DGKB: variants seen among roughly 807,000 people sequenced by gnomAD.
The protein encoded by DGKB is 90 kDa diacylglycerol kinase.
In DGKB, 67 loss-of-function variants were observed where a neutral mutation model predicts 114.3. The ratio of observed to expected loss-of-function variants is 0.59; its 90% CI spans 0.48 to 0.72. The LOEUF is 0.72. DGKB is among the 30% of genes least tolerant of loss of function. The pLI is 0.00. For synonymous variants in DGKB, 398 were observed against 323.1 expected (o/e 1.23, Z -2.49); for missense variants, 907 against 975.2 (o/e 0.93, Z 0.93).
chr7:14,295,874 G>T (rs1802461869), intron 23 of DGKB, among the ~76,000 whole-genome samples: 2 of 151,770 alleles, frequency 1.3e-5, no homozygotes, highest in South Asian at 2.1e-4. Context: ...ACCCAGACAG[G>T]CCCCAGTGTG....
chr7:14,772,866 C>T (rs187068264), intron 2 of DGKB, among the ~76,000 whole-genome samples: 109 of 152,232 alleles, frequency 7.2e-4, no homozygotes, highest in South Asian at 8.3e-4. Flanking sequence ...TTTCTCACCC[C>T]TCACCAGTTC....
At chr7:14,840,773 CTA>C (rs1491203951) in intron 2 of DGKB, among the ~76,000 whole-genome samples, 2 of 150,538 alleles carry the variant, frequency 1.3e-5, no homozygotes, top group Non-Finnish European at 3.0e-5. Flanking sequence ...CTCTTGATAT[CTA>C]TGAGTCAGAC....
intron 18 of DGKB, among the ~76,000 whole-genome samples, chr7:14,582,204 A>C (rs1354618681): frequency 6.6e-6 from 1 of 152,212 alleles, no homozygotes; most frequent in Non-Finnish European, 1.5e-5. Flanking sequence ...ATGAGACCAA[A>C]AAGAGTCAAT....
At chr7:14,623,840 T>C (rs1808086931) in intron 14 of DGKB, among the ~76,000 whole-genome samples, 1 of 152,190 alleles carries the variant, frequency 6.6e-6, no homozygotes. Flanking sequence ...GAGTGAATTA[T>C]TAGATGAGGT....
At chr7:14,614,208 C>T (rs1019725215) in intron 15 of DGKB, among the ~76,000 whole-genome samples, 1 of 151,994 alleles carries the variant, frequency 6.6e-6, no homozygotes, top group Non-Finnish European at 1.5e-5. Flanking sequence ...AAACATGCCA[C>T]GATGGGAAAT....
chr7:14,778,455 C>T (rs151328056), intron 2 of DGKB, among the ~76,000 whole-genome samples: 89 of 152,184 alleles, frequency 5.8e-4, no homozygotes, highest in African/African-American at 2.1e-3. Flanking sequence ...AATGAGCATG[C>T]TAGGCTGCTT....
chr7:14,245,638 A>C (rs991364779), intron 23 of DGKB, among the ~76,000 whole-genome samples: 1 of 152,158 alleles, frequency 6.6e-6, no homozygotes, highest in Non-Finnish European at 1.5e-5. Flanking sequence ...TCCATTTAAC[A>C]TGATTTCTGC....
intron 21 of DGKB, among the ~76,000 whole-genome samples, chr7:14,435,247 T>C (rs1020508777): frequency 2.0e-5 from 3 of 152,134 alleles, no homozygotes; most frequent in Non-Finnish European, 4.4e-5. Flanking sequence ...GGAAAGACTA[T>C]AATCACAACT....
intron 8 of DGKB, among the ~76,000 whole-genome samples, chr7:14,697,780 A>AAGAAAGAAAGAAAGAAAG (rs1563943585): frequency 1.3e-3 from 182 of 136,664 alleles, no homozygotes; most frequent in African/African-American, 4.6e-3. Context: ...AACAAAGAGA[A>AAGAAAGAAAGAAAGAAAG]AGAAAGAAAG....
chr7:14,530,320 G>A (rs1791368145), intron 20 of DGKB, among the ~76,000 whole-genome samples: 1 of 151,414 alleles, frequency 6.6e-6, no homozygotes. Context: ...TGGTCATCCT[G>A]AGAAAAGGAG....
chr7:14,629,425 G>A (rs2128839890), intron 14 of DGKB, among the ~76,000 whole-genome samples: 1 of 151,760 alleles, frequency 6.6e-6, no homozygotes, highest in East Asian at 1.9e-4. Flanking sequence ...ATTTTTGGTG[G>A]GGAGAAAAGA....
chr7:14,162,399 C>A (rs991479390), intron 25 of DGKB, among the ~76,000 whole-genome samples: 15 of 152,258 alleles, frequency 9.9e-5, no homozygotes, highest in Non-Finnish European at 2.2e-4. Context: ...TGACAAAATT[C>A]TGATAAGTAC....
chr7:14,446,866 G>C (rs1830790393), intron 21 of DGKB, among the ~76,000 whole-genome samples: 1 of 150,870 alleles, frequency 6.6e-6, no homozygotes, highest in African/African-American at 2.5e-5. Flanking sequence ...AGAGTTTCAA[G>C]AGAGAGACGG....
intron 21 of DGKB, among the ~76,000 whole-genome samples, chr7:14,476,484 A>G (rs946315196): frequency 2.6e-5 from 4 of 152,136 alleles, no homozygotes; most frequent in Non-Finnish European, 5.9e-5. Context: ...AAACAGTACA[A>G]TAAAGAAAAA....
At chr7:14,628,942 T>TA (rs762904149) in intron 14 of DGKB, among the ~76,000 whole-genome samples, 6 of 151,964 alleles carry the variant, frequency 3.9e-5, no homozygotes, top group South Asian at 2.1e-4. Flanking sequence ...TCCTGAAAAT[T>TA]AAAAAAATAT....
intron 10 of DGKB, 84 bp from the exon 11 acceptor site, chr7:14,682,925 C>G: frequency 2.2e-6 from 2 of 914,416 alleles, no homozygotes; most frequent in Non-Finnish European, 3.5e-6. Context: ...TTAACAGAAC[C>G]TCATTTCATA....
intron 17 of DGKB, among the ~76,000 whole-genome samples, chr7:14,604,692 A>T (rs1388376184): frequency 1.3e-5 from 2 of 152,118 alleles, no homozygotes; most frequent in Non-Finnish European, 2.9e-5. Flanking sequence ...AATCACTGCA[A>T]TAGGACACTC....
chr7:14,770,487 T>C lies in DGKB; in HGVS notation c.71-12756A>G, dbSNP rs140608987. 2.8e-4 allele frequency among the ~76,000 whole-genome samples: 43 copies of C among 152,276 alleles called. No individual in the cohort carries two copies. The East Asian group carries it at 2.9e-3, about 10-fold the overall frequency. On this transcript the variant is annotated intron_variant, in intron 2 of 25. Coordinates refer to ENST00000402815, the MANE Select transcript of DGKB (RefSeq NM_001350709.2). The stretch of plus-strand genomic sequence containing the variant: ...GGAGAGCATGCCTCCATGTCAGAAC[T>C]GTAGCAAATCTAAAGTGTCATGCCT...
intron 23 of DGKB, among the ~76,000 whole-genome samples, chr7:14,273,597 T>G (rs1003086237): frequency 2.0e-5 from 3 of 152,186 alleles, no homozygotes; most frequent in Non-Finnish European, 4.4e-5. Flanking sequence ...TGAGAATAAT[T>G]TGGGATATTA....
Sources: gnomAD v4.1 joint callset for allele counts (sites outside exome capture counted in the v4.1 genomes callset) on GRCh38, gnomAD v4.1.1 for gene constraint, MANE v1.5 for transcripts, NCBI Gene and HGNC (gene_info 2026-07-23, HGNC 2026-07-21) for gene names.